COL6A3: variants seen among roughly 807,000 people sequenced by gnomAD.
COL6A3 encodes collagen type VI alpha 3 chain, also known as collagen alpha-3(VI) chain.
Under a neutral mutation model 274.1 loss-of-function variants are expected in COL6A3, and 137 were observed. That is an observed-to-expected ratio of 0.50 (90% CI 0.44 to 0.58). The LOEUF (loss-of-function observed/expected upper bound fraction) is 0.58, where lower values mean the gene tolerates loss of function less well. Among genes scored for constraint, COL6A3 ranks in the 20% least tolerant of loss-of-function variants. COL6A3 has a pLI of 0.00. For missense variants in COL6A3, 3,950 were observed against 4,124.9 expected (o/e 0.96, Z 1.16); for synonymous variants, 1,650 against 1,650.6 (o/e 1.00, Z 0.01).
intron 42 of COL6A3, chr2:237,326,255 G>A (rs1452419131): frequency 7.9e-6 from 1 of 126,494 alleles, no homozygotes; most frequent in East Asian, 1.9e-4. Flanking sequence ...GTGTGTGTGT[G>A]TGTGTGTGTG....
At chr2:237,389,248 G>C (rs1225487164) in intron 3 of COL6A3, among the ~76,000 whole-genome samples, 1 of 152,210 alleles carries the variant, frequency 6.6e-6, no homozygotes, top group Non-Finnish European at 1.5e-5. Flanking sequence ...GTCAGGGCCA[G>C]AGATTTCACA....
intron 4 of COL6A3, chr2:237,386,671 G>C (rs1013627290): frequency 2.6e-5 from 4 of 152,230 alleles, no homozygotes; most frequent in African/African-American, 9.6e-5. Flanking sequence ...GAGCATCCCA[G>C]TGTGTAAGCA....
At chr2:237,367,391 A>T (rs890587242) in intron 10 of COL6A3, 105 bp from the exon 11 acceptor site, 74 of 1,362,880 alleles carry the variant, frequency 5.4e-5, no homozygotes, top group Non-Finnish European at 6.7e-5. Flanking sequence ...ATTCCTAATA[A>T]TTTATTCACA....
intron 1 of COL6A3, among the ~76,000 whole-genome samples, chr2:237,403,770 C>T (rs567375571): frequency 9.9e-5 from 15 of 152,124 alleles, no homozygotes; most frequent in African/African-American, 2.2e-4. Context: ...CAGGGACCCC[C>T]GACAGGCTGG....
intron 43 of COL6A3, among the ~76,000 whole-genome samples, chr2:237,325,285 C>T (rs551769836): frequency 1.3e-5 from 2 of 152,122 alleles, no homozygotes; most frequent in South Asian, 2.1e-4. Flanking sequence ...TATTATCTTC[C>T]CAGGAATCAT....
chr2:237,389,483 T>A (rs1431088940), intron 3 of COL6A3, among the ~76,000 whole-genome samples: 1 of 152,248 alleles, frequency 6.6e-6, no homozygotes, highest in Non-Finnish European at 1.5e-5. Flanking sequence ...TGATCTCTGA[T>A]CTTTTCAATG....
chr2:237,362,714 C>T (rs2077464658), intron 14 of COL6A3, among the ~76,000 whole-genome samples: 1 of 152,172 alleles, frequency 6.6e-6, no homozygotes, highest in South Asian at 2.1e-4. Context: ...AAGCTCCATC[C>T]CCAGTCTAAA....
At chr2:237,365,136 A>G (rs186439498) in intron 12 of COL6A3, among the ~76,000 whole-genome samples, 2 of 149,146 alleles carry the variant, frequency 1.3e-5, no homozygotes, top group African/African-American at 5.0e-5. Flanking sequence ...GGACACAGAC[A>G]TGCACAGAGA....
rs1559232587 is a variant in COL6A3, at chr2:237,364,353, C to T, written c.5914G>A (p.Glu1972Lys). The T allele has an allele frequency of 1.2e-6, 2 of 1,613,668 alleles. No individual in the cohort carries two copies. The highest frequency in any genetic ancestry group is 2.2e-5 in the East Asian group (1 of 44,884). Residue 1972 changes from glutamate (E) to lysine (K), a missense_variant, in exon 13 of 44, where the codon GAA becomes AAA. By Grantham distance (56) the Glu-to-Lys change is moderately conservative. Coordinates refer to ENST00000295550, the MANE Select transcript of COL6A3 (RefSeq NM_004369.4). This position sits in a 1 kb window ranked among gnomAD's most constrained non-coding sequence, Gnocchi z 4.6. ...LHRASENLRQ[E>K]GVRALILVGL... is the part of the protein sequence containing the mutation. ...TTTAGAAAGCCTTGGCACCTACCTT[C>T]TTGGCGGAGGTTCTCAGATGCTCTG...
rs146454821 is a variant in COL6A3, at chr2:237,336,290, T to C, written c.8810A>G (p.Lys2937Arg). 12 of 1,613,204 alleles carry C rather than the reference T, an allele frequency of 7.4e-6. No homozygotes were observed. The highest frequency in any genetic ancestry group is 1.0e-5 in the Non-Finnish European group (12 of 1,179,328). ...TACAGGCTTCGCTGCCGTTGCTGGC[T>C]TCACCGCCACTGGGGGTCTAACAGT... Reference protein sequence around the residue: ...MATVRPPVAVKPATAAKPVAA... With the variant: ...MATVRPPVAVRPATAAKPVAA... Residue 2937 changes from lysine (K) to arginine (R), a missense_variant, in exon 40 of 44, where the codon AAG becomes AGG. Physicochemically the swap from Lys to Arg is conservative, Grantham distance 26. Transcript: ENST00000295550.
chr2:237,406,610 G>A (rs191056596), intron 1 of COL6A3, among the ~76,000 whole-genome samples: 5 of 151,404 alleles, frequency 3.3e-5, no homozygotes, highest in Admixed American at 1.3e-4. Context: ...GCAAGAAGGA[G>A]CGCCCCATTT....
intron 24 of COL6A3, among the ~76,000 whole-genome samples, chr2:237,353,751 C>T (rs1412980546): frequency 2.0e-5 from 3 of 152,116 alleles, no homozygotes; most frequent in Non-Finnish European, 4.4e-5. Context: ...GGCGCCCGCC[C>T]GGGACACTAC....
At chr2:237,350,002 A>G (rs2106330469) in intron 28 of COL6A3, 145 bp downstream of exon 28, 1 of 836,740 alleles carries the variant, frequency 1.2e-6, no homozygotes, top group Non-Finnish European at 2.0e-6. Context: ...AATTTGCCGC[A>G]GATGAGCAAG....
chr2:237,396,707 A>G lies in COL6A3; in HGVS notation c.91+20T>C, dbSNP rs930699933. On this transcript the variant is annotated intron_variant, in intron 2 of 43. Coordinates refer to ENST00000295550, the MANE Select transcript of COL6A3 (RefSeq NM_004369.4). ...AATGATATTCCTTTTTACAAAATCA[A>G]GGACGTTTCTGGCTCTTACCTGCTT... The G allele has an allele frequency of 1.2e-5, 20 of 1,611,646 alleles. No homozygotes were observed. The highest frequency in any genetic ancestry group is 1.5e-5 in the Non-Finnish European group (18 of 1,177,852).
Position 237,387,796 on chromosome 2 carries a change from C to T in COL6A3, c.1098G>A (p.Val366=). 2 of 1,614,126 alleles carry T rather than the reference C, an allele frequency of 1.2e-6. No homozygotes were observed. The highest frequency in any genetic ancestry group is 1.7e-6 in the Non-Finnish European group (2 of 1,180,010). ...ACACGCTAGCCTGCTTCAGTGCTAC[C>T]ACCCCGTAGCGAATCTCGTCACTAG... The part of the protein sequence containing the change: ...GPSSDEIRYG[V]VALKQASVFS... Residue 366 remains valine (V), a synonymous_variant, in exon 4 of 44, where the codon GTG becomes GTA. Transcript: ENST00000295550.
In COL6A3 at chr2:237,413,614, G is replaced by A. The variant is rs2078908467; in HGVS notation, c.-31+339C>T. Among the ~76,000 whole-genome samples, 2 of 152,290 alleles carry A rather than the reference G, an allele frequency of 1.3e-5. No homozygotes were observed. Among genetic ancestry groups the A allele is most frequent in the African/African-American group, 2.4e-5 (1 of 41,568 alleles). On this transcript the variant is annotated intron_variant, in intron 1 of 43. Coordinates refer to ENST00000295550, the MANE Select transcript of COL6A3 (RefSeq NM_004369.4). The surrounding 1 kb of genome is among the most constrained non-coding windows in gnomAD (Gnocchi z 4.0). The stretch of plus-strand genomic sequence containing the variant: ...CGCTTCTGCAAACAAAGCGGATCCC[G>A]AATGGGTTTTAGAAGGCGGCAGTAA...
At chr2:237,379,758 G>A (rs977797788) in intron 5 of COL6A3, among the ~76,000 whole-genome samples, 8 of 152,182 alleles carry the variant, frequency 5.3e-5, no homozygotes, top group Non-Finnish European at 8.8e-5. Flanking sequence ...TCATATTGAA[G>A]TCTTCTTCAG....
At position 237,344,720 on chromosome 2, in the gene COL6A3, G is replaced by A. The variant is rs756263907; in HGVS notation, c.7298C>T (p.Thr2433Ile). ...CCGTGGGCAGTTGCTCTCAGCAATG[G>A]TCAGGTCATTCACAATACTCAAGAC... The part of the protein sequence containing the change: ...DVVLSIVNDL[T>I]IAESNCPRGA... Residue 2433 changes from threonine to isoleucine, a missense_variant, in exon 36 of 44, where the codon ACC becomes ATC. Physicochemically the swap from Thr to Ile is moderately conservative, Grantham distance 89. Transcript: ENST00000295550. The surrounding 1 kb of genome is among the most constrained non-coding windows in gnomAD (Gnocchi z 4.8). 2 of 1,606,048 alleles carry A rather than the reference G, an allele frequency of 1.2e-6. No individual in the cohort carries two copies. Among genetic ancestry groups the A allele is most frequent in the Non-Finnish European group, 1.7e-6 (2 of 1,175,950 alleles).
At position 237,348,891 on chromosome 2, in the gene COL6A3, T is replaced by C. The variant is rs11889732; in HGVS notation, c.6880-228A>G. ...AAGGACTCCCGTAGCAAAATGGCAC[T>C]GGCGGACTAACATAGAAAGAACTGC... On this transcript the variant is annotated intron_variant, in intron 28 of 43. Coordinates refer to ENST00000295550, the MANE Select transcript of COL6A3 (RefSeq NM_004369.4). 0.018 allele frequency among the ~76,000 whole-genome samples: 2,685 copies of C among 152,272 alleles called. 88 individuals are homozygous for C. Among genetic ancestry groups the C allele is most frequent in the African/African-American group, 0.06 (2,486 of 41,534 alleles).
Sources: gnomAD v4.1 joint callset for allele counts (sites outside exome capture counted in the v4.1 genomes callset) on GRCh38, gnomAD v4.1.1 for gene constraint, Gnocchi (gnomAD v3.1) non-coding constraint, MANE v1.5 for transcripts, NCBI Gene and HGNC (gene_info 2026-07-23, HGNC 2026-07-21) for gene names.